Variants in HDAC9 observed in about 807,000 individuals in gnomAD.
HDAC9 encodes the protein MEF-2 interacting transcription repressor (MITR) protein.
A neutral mutation model predicts 139.4 loss-of-function variants in HDAC9; 41 were observed. The observed-to-expected ratio is 0.29, with a 90% CI of 0.23 to 0.38. HDAC9 has a LOEUF of 0.38. HDAC9 is among the 10% of genes least tolerant of loss of function. The probability of loss-of-function intolerance (pLI) is 1.00; values close to 1 mark genes in which losing one functional copy is unlikely to be tolerated. For synonymous variants in HDAC9, 517 were observed against 476.2 expected (o/e 1.09, Z -1.12); for missense variants, 1,147 against 1,297.0 (o/e 0.88, Z 1.78).
rs376388530 is a variant in HDAC9 at position 18,634,750 on chromosome 7, C to T, written c.912+8C>T. The T allele has an allele frequency of 2.6e-6, 4 of 1,542,586 alleles. No homozygotes were observed. In the East Asian group the frequency reaches 9.4e-5, roughly 36 times the overall value. ...CCTACCCCTCATGCCGAGGTAAGAC[C>T]CTTATTATTTTGTTTCTTTTAAAAA... is the stretch of plus-strand genomic sequence containing the variant. On this transcript the variant is annotated splice_region_variant and intron_variant, in intron 8 of 25. Coordinates refer to ENST00000686413, the MANE Select transcript of HDAC9 (RefSeq NM_178425.4).
At chr7:18,277,322 C>G (rs1387514663) in intron 2 of HDAC9, among the ~76,000 whole-genome samples, 1 of 152,152 alleles carries the variant, frequency 6.6e-6, no homozygotes, top group African/African-American at 2.4e-5. Flanking sequence ...GAGAAGGCAA[C>G]TGATCCATGT....
At chr7:18,576,138 C>T (rs985717157) in intron 2 of HDAC9, among the ~76,000 whole-genome samples, 2 of 152,050 alleles carry the variant, frequency 1.3e-5, no homozygotes, top group Admixed American at 1.3e-4. Context: ...ATCTCTGAGA[C>T]CCTGGAGTGC....
At chr7:18,968,136 T>G (rs1365003781) in intron 24 of HDAC9, among the ~76,000 whole-genome samples, 2 of 152,034 alleles carry the variant, frequency 1.3e-5, no homozygotes, top group East Asian at 3.9e-4. Flanking sequence ...CACTCCAGCC[T>G]GAGCAACAAG....
At chr7:18,991,428 C>CAGG (rs763136209) in intron 25 of HDAC9, among the ~76,000 whole-genome samples, 11 of 152,192 alleles carry the variant, frequency 7.2e-5, no homozygotes, top group Admixed American at 1.3e-4. Flanking sequence ...ATCACGAGGT[C>CAGG]AGATCAAGAC....
Position 18,748,932 on chromosome 7 carries a change from A to T in HDAC9, c.1910-73A>T, listed in dbSNP as rs1384383181. ...GAATAATGACTTTTTTGGAGTTATC[A>T]TATTATCTCCTAACATGTGTCATTA... On this transcript the variant is annotated intron_variant, in intron 13 of 25. Transcript: ENST00000686413. 36 of 1,375,928 alleles carry T rather than the reference A, an allele frequency of 2.6e-5. No individual in the cohort carries two copies. The South Asian group carries it at 4.0e-4, about 15-fold the overall frequency. 85.2% of individuals were successfully genotyped at this position (1,375,928 alleles called of 1,614,324 possible).
intron 7 of HDAC9, among the ~76,000 whole-genome samples, chr7:18,630,496 T>A (rs896323661): frequency 2.6e-5 from 4 of 152,138 alleles, no homozygotes; most frequent in African/African-American, 9.6e-5. Flanking sequence ...ATTTAGGTTC[T>A]AATGCAACCT....
At chr7:18,975,171 A>G (rs1050456176) in intron 24 of HDAC9, among the ~76,000 whole-genome samples, 5 of 152,226 alleles carry the variant, frequency 3.3e-5, no homozygotes, top group African/African-American at 1.2e-4. Flanking sequence ...CTGCCTCAAA[A>G]AAAGAAACAT....
At chr7:18,603,113 A>G (rs892214136) in intron 6 of HDAC9, among the ~76,000 whole-genome samples, 4 of 152,112 alleles carry the variant, frequency 2.6e-5, no homozygotes, top group African/African-American at 9.6e-5. Flanking sequence ...TGAAATTAAT[A>G]TAGCTCTTCC....
intron 2 of HDAC9, among the ~76,000 whole-genome samples, chr7:18,188,602 C>G (rs1790090362): frequency 6.6e-6 from 1 of 152,120 alleles, no homozygotes; most frequent in African/African-American, 2.4e-5. Flanking sequence ...ACCCATCTGA[C>G]AAAGGTCTAA....
At chr7:18,582,189 T>C (rs888545709) in intron 2 of HDAC9, among the ~76,000 whole-genome samples, 4 of 152,184 alleles carry the variant, frequency 2.6e-5, no homozygotes, top group Non-Finnish European at 5.9e-5. Flanking sequence ...AAAATTAACT[T>C]TGTAGTTCCC....
chr7:18,371,077 C>G (rs1784557733), intron 1 of HDAC9, among the ~76,000 whole-genome samples: 1 of 152,140 alleles, frequency 6.6e-6, no homozygotes, highest in Non-Finnish European at 1.5e-5. Flanking sequence ...GAATGTCTGT[C>G]AGAAGAAAAG....
chr7:18,987,445 G>A (rs1785458527), intron 25 of HDAC9, among the ~76,000 whole-genome samples: 1 of 152,186 alleles, frequency 6.6e-6, no homozygotes, highest in Non-Finnish European at 1.5e-5. Flanking sequence ...TAAGCTTTTT[G>A]ATGTGCTGCT....
At chr7:18,190,961 A>C (rs1353015542) in intron 2 of HDAC9, among the ~76,000 whole-genome samples, 1 of 152,208 alleles carries the variant, frequency 6.6e-6, no homozygotes, top group African/African-American at 2.4e-5. Flanking sequence ...ATCACCAATA[A>C]ATACTTGAAT....
At chr7:18,418,285 C>T (rs1217373658) in intron 1 of HDAC9, among the ~76,000 whole-genome samples, 2 of 152,070 alleles carry the variant, frequency 1.3e-5, no homozygotes, top group Non-Finnish European at 2.9e-5. Flanking sequence ...ACTTAACTAC[C>T]AAAGTGTCCA....
intron 22 of HDAC9, among the ~76,000 whole-genome samples, chr7:18,918,273 T>C: frequency 6.6e-6 from 1 of 151,052 alleles, no homozygotes; most frequent in Non-Finnish European, 1.5e-5. Context: ...CTGAGGCCAG[T>C]CTCTGAGGAG....
At chr7:18,194,173 C>T (rs1056545547) in intron 2 of HDAC9, among the ~76,000 whole-genome samples, 1 of 152,094 alleles carries the variant, frequency 6.6e-6, no homozygotes, top group Non-Finnish European at 1.5e-5. Context: ...TAAATCTTTG[C>T]TAATTATAAC....
At chr7:18,879,882 G>A (rs1336173380) in intron 22 of HDAC9, among the ~76,000 whole-genome samples, 1 of 152,122 alleles carries the variant, frequency 6.6e-6, no homozygotes, top group South Asian at 2.1e-4. Flanking sequence ...ACAGCCTACA[G>A]CATGGGAGTA....
intron 16 of HDAC9, among the ~76,000 whole-genome samples, chr7:18,771,005 C>T (rs1441556259): frequency 6.6e-6 from 1 of 152,024 alleles, no homozygotes; most frequent in Non-Finnish European, 1.5e-5. Context: ...GCTCCCAGGG[C>T]CAAAAGGCAG....
chr7:18,753,197 A>T (rs186091362), intron 14 of HDAC9, among the ~76,000 whole-genome samples: 1 of 152,232 alleles, frequency 6.6e-6, no homozygotes, highest in East Asian at 1.9e-4. Flanking sequence ...AAATAAATAC[A>T]CAATTACAAA....
Sources: allele counts gnomAD v4.1 joint callset (sites outside exome capture counted in the v4.1 genomes callset), GRCh38; gene constraint gnomAD v4.1.1; transcripts MANE v1.5; gene names NCBI Gene and HGNC (gene_info 2026-07-23, HGNC 2026-07-21).